The following ARHGAP10 variants were observed in gnomAD, a reference collection of about 807,000 sequenced individuals.
The protein encoded by ARHGAP10 is Rho GTPase activating protein 10, also known as rho GTPase-activating protein 10.
Under a neutral mutation model 108.6 loss-of-function variants are expected in ARHGAP10, and 87 were observed. The observed-to-expected ratio is 0.80, with a 90% confidence interval of 0.67 to 0.96. The LOEUF is 0.96. Among genes scored for constraint, ARHGAP10 ranks in the 40% least tolerant of loss-of-function variants. The probability of loss-of-function intolerance (pLI) is 0.00; values close to 1 mark genes in which losing one functional copy is unlikely to be tolerated. For missense variants in ARHGAP10, 939 were observed against 954.5 expected (o/e 0.98, Z 0.21); for synonymous variants, 347 against 341.1 (o/e 1.02, Z -0.19).
chr4:147,860,305 G>A (rs1227372957), intron 5 of ARHGAP10, among the ~76,000 whole-genome samples: 1 of 152,190 alleles, frequency 6.6e-6, no homozygotes, highest in African/African-American at 2.4e-5. Flanking sequence ...AGCTGGGTGT[G>A]GTGGCAGGTG....
intron 5 of ARHGAP10, among the ~76,000 whole-genome samples, chr4:147,860,420 C>T (rs71616571): frequency 0.068 from 10,333 of 152,020 alleles, 467 homozygotes; most frequent in Non-Finnish European, 0.1. Flanking sequence ...CCAGCCTGGG[C>T]GACAGCTCCG....
intron 1 of ARHGAP10, among the ~76,000 whole-genome samples, chr4:147,738,405 T>G (rs747834402): frequency 6.6e-6 from 1 of 151,930 alleles, no homozygotes; most frequent in Non-Finnish European, 1.5e-5. Flanking sequence ...AAAAATAAAT[T>G]AGCCGGGCGT....
intron 10 of ARHGAP10, among the ~76,000 whole-genome samples, chr4:147,886,247 C>G (rs1372869631): frequency 6.6e-6 from 1 of 152,212 alleles, no homozygotes; most frequent in Admixed American, 6.5e-5. Flanking sequence ...CAATTCTGCT[C>G]TTTTTACAAG....
chr4:148,029,801 A>G (rs191502065), intron 19 of ARHGAP10, among the ~76,000 whole-genome samples: 2 of 152,250 alleles, frequency 1.3e-5, no homozygotes, highest in African/African-American at 4.8e-5. Flanking sequence ...TTAATCTAAG[A>G]CCAGGCTTGA....
chr4:147,927,188 T>C (rs1737497954), intron 13 of ARHGAP10, among the ~76,000 whole-genome samples: 1 of 152,194 alleles, frequency 6.6e-6, no homozygotes. Context: ...AGCTGTTAAA[T>C]AACAAAGTTT....
At chr4:147,895,284 T>C (rs915835115) in intron 10 of ARHGAP10, among the ~76,000 whole-genome samples, 16 of 152,136 alleles carry the variant, frequency 1.1e-4, no homozygotes, top group African/African-American at 3.6e-4. Flanking sequence ...ACTTGGTTTT[T>C]GTATCTTACA....
At chr4:147,903,705 G>A (rs1579181472) in intron 10 of ARHGAP10, among the ~76,000 whole-genome samples, 1 of 152,164 alleles carries the variant, frequency 6.6e-6, no homozygotes, top group East Asian at 1.9e-4. Context: ...GAATCACACA[G>A]TGTGTAGACT....
chr4:147,830,986 A>G (rs1732934543), intron 3 of ARHGAP10, among the ~76,000 whole-genome samples: 1 of 152,220 alleles, frequency 6.6e-6, no homozygotes, highest in South Asian at 2.1e-4. Context: ...TCATCAAAGT[A>G]TGGTCCCTGG....
At chr4:147,900,435 G>A (rs1428412514) in intron 10 of ARHGAP10, among the ~76,000 whole-genome samples, 2 of 152,066 alleles carry the variant, frequency 1.3e-5, no homozygotes, top group Non-Finnish European at 2.9e-5. Flanking sequence ...GATTATCCTG[G>A]CAGCTTGCCC....
intron 20 of ARHGAP10, among the ~76,000 whole-genome samples, chr4:148,050,668 C>T (rs540063095): frequency 2.2e-4 from 34 of 151,884 alleles, no homozygotes; most frequent in South Asian, 4.2e-4. Context: ...CCACCGTGCC[C>T]GGTTGATTCA....
intron 1 of ARHGAP10, chr4:147,745,260 A>T (rs1728860530): frequency 6.6e-6 from 1 of 152,196 alleles, no homozygotes; most frequent in Non-Finnish European, 1.5e-5. Flanking sequence ...GAGTGTGAGG[A>T]AAGTCAGTGA....
chr4:147,947,036 T>G lies in ARHGAP10; in HGVS notation c.1391+332T>G, dbSNP rs146332732. Among the ~76,000 whole-genome samples the G allele has an allele frequency of 5.9e-3, 897 of 152,318 alleles. 7 individuals carry two copies. Among genetic ancestry groups the G allele is most frequent in the African/African-American group, 0.021 (859 of 41,570 alleles). ...GCTATTTATTGAATTCATTGTGTCT[T>G]TATATTTTATGCTGAAATGATTTTT... is the stretch of plus-strand genomic sequence containing the variant. On this transcript the variant is annotated intron_variant, in intron 15 of 22. Coordinates refer to ENST00000336498, the MANE Select transcript of ARHGAP10 (RefSeq NM_024605.4).
rs569159657 is a variant in ARHGAP10, at chr4:147,926,756, G to A, written c.1229-13069G>A. 3.9e-5 allele frequency among the ~76,000 whole-genome samples: 6 copies of A among 152,270 alleles called. No individual in the cohort carries two copies. The South Asian group carries it at 1.2e-3, about 32-fold the overall frequency. On this transcript the variant is annotated intron_variant, in intron 13 of 22. Coordinates refer to ENST00000336498, the MANE Select transcript of ARHGAP10 (RefSeq NM_024605.4). The stretch of plus-strand genomic sequence containing the variant: ...AGAGGGATAGGAGGCGAAGGAAGAA[G>A]GATGGTTGTAAGGGAATCCATAAGA...
At chr4:147,807,280 A>T (rs1461193924) in intron 1 of ARHGAP10, among the ~76,000 whole-genome samples, 1 of 152,204 alleles carries the variant, frequency 6.6e-6, no homozygotes, top group Non-Finnish European at 1.5e-5. Context: ...GCATAACAGT[A>T]GATGCTTACT....
intron 1 of ARHGAP10, among the ~76,000 whole-genome samples, chr4:147,789,699 C>CT (rs1731041002): frequency 6.6e-6 from 1 of 152,242 alleles, no homozygotes; most frequent in Non-Finnish European, 1.5e-5. Context: ...TAAATGGAGA[C>CT]TAACTGGCCT....
At position 148,070,182 on chromosome 4, in the gene ARHGAP10, G is replaced by GTATATA. The variant is rs1468209806; in HGVS notation, c.2273-1811_2273-1810insTATATA. 2.0e-5 allele frequency among the ~76,000 whole-genome samples: 3 copies of GTATATA among 152,306 alleles called. No individual in the cohort carries two copies. In the East Asian group the frequency reaches 5.8e-4, roughly 29 times the overall value. ...CTCTCCTATATATACACGTATGCCT[G>GTATATA]CACACACGCACACAGAACATGTAGG... is the stretch of plus-strand genomic sequence containing the variant. On this transcript the variant is annotated intron_variant, in intron 22 of 22. Coordinates refer to ENST00000336498, the MANE Select transcript of ARHGAP10 (RefSeq NM_024605.4).
chr4:148,025,293 G>A (rs1312136240), intron 19 of ARHGAP10, among the ~76,000 whole-genome samples: 1 of 151,784 alleles, frequency 6.6e-6, no homozygotes. Context: ...TTATTTGCAT[G>A]ATGTTTTGTT....
rs1223966424 is a variant in ARHGAP10 at position 148,072,681 on chromosome 4, A to C, written c.*600A>C. 1 of 152,184 alleles carries C rather than the reference A, an allele frequency of 6.6e-6. No homozygotes were observed. The highest frequency in any genetic ancestry group is 1.5e-5 in the Non-Finnish European group (1 of 68,060). 9.4% of individuals were successfully genotyped at this position (152,184 alleles called of 1,614,324 possible). The stretch of plus-strand genomic sequence containing the variant: ...TGGCAGCGTGCACTGGCGTATTTGT[A>C]ACAGGCTTCTCGGTGCTCCTCACCC... On this transcript the variant is annotated 3_prime_UTR_variant, in exon 23 of 23. Transcript: ENST00000336498.
intron 19 of ARHGAP10, among the ~76,000 whole-genome samples, chr4:148,039,940 A>C (rs1728559509): frequency 6.6e-6 from 1 of 151,966 alleles, no homozygotes; most frequent in African/African-American, 2.4e-5. Flanking sequence ...TAAATCTCTG[A>C]GTTTTCTTAT....
Sources: allele counts gnomAD v4.1 joint callset (sites outside exome capture counted in the v4.1 genomes callset), GRCh38; gene constraint gnomAD v4.1.1; transcripts MANE v1.5; gene names NCBI Gene and HGNC (gene_info 2026-07-23, HGNC 2026-07-21).